The following ADAM17 variants were observed in gnomAD, a reference collection of about 807,000 sequenced individuals.
ADAM17 encodes ADAM metallopeptidase domain 17, also known as disintegrin and metalloproteinase domain-containing protein 17.
A neutral mutation model predicts 96.7 loss-of-function variants in ADAM17; 39 were observed. The observed-to-expected ratio is 0.40, with a 90% confidence interval of 0.31 to 0.53. ADAM17 has a LOEUF of 0.53. ADAM17 is among the 20% of genes least tolerant of loss of function. The pLI, the probability that ADAM17 is intolerant of heterozygous loss-of-function variation, is 0.44. For missense variants in ADAM17, 777 were observed against 1,013.2 expected (o/e 0.77, Z 3.17); for synonymous variants, 344 against 359.2 (o/e 0.96, Z 0.48).
chr2:9,517,487 T>C (rs1170925536), intron 10 of ADAM17, among the ~76,000 whole-genome samples: 1 of 152,226 alleles, frequency 6.6e-6, no homozygotes, highest in Non-Finnish European at 1.5e-5. Context: ...TCATCTACGT[T>C]TTCTTAGGAA....
At chr2:9,550,903 CAAAAAAAA>C (rs33972062) in intron 1 of ADAM17, among the ~76,000 whole-genome samples, 4 of 97,864 alleles carry the variant, frequency 4.1e-5, no homozygotes, top group Non-Finnish European at 6.0e-5. Context: ...ACTAAAAATA[CAAAAAAAA>C]AAAAAAAAAA....
At chr2:9,501,447 C>G (rs898197915) in intron 13 of ADAM17, among the ~76,000 whole-genome samples, 1 of 152,126 alleles carries the variant, frequency 6.6e-6, no homozygotes. Context: ...GAGAAACACA[C>G]AGGTTCCTGA....
At chr2:9,500,092 GATAA>G (rs1040233716) in intron 13 of ADAM17, among the ~76,000 whole-genome samples, 2 of 37,292 alleles carry the variant, frequency 5.4e-5, no homozygotes, top group Non-Finnish European at 1.8e-4. Flanking sequence ...AAAACTCATA[GATAA>G]ATGTTCACAG....
At chr2:9,504,893 G>A (rs1018321166) in intron 12 of ADAM17, among the ~76,000 whole-genome samples, 2 of 151,296 alleles carry the variant, frequency 1.3e-5, no homozygotes, top group African/African-American at 4.9e-5. Flanking sequence ...TTTGTTTTTT[G>A]TTTTTTAAGA....
chr2:9,533,315 G>T (rs890666172), intron 4 of ADAM17, among the ~76,000 whole-genome samples: 1 of 152,086 alleles, frequency 6.6e-6, no homozygotes, highest in Non-Finnish European at 1.5e-5. Context: ...TTCAGAGGCC[G>T]AGGCTGGCAG....
chr2:9,554,147 T>C (rs1042410559), intron 1 of ADAM17, among the ~76,000 whole-genome samples: 52 of 152,240 alleles, frequency 3.4e-4, no homozygotes, highest in African/African-American at 1.3e-3. Flanking sequence ...TTAAACTGTA[T>C]GCTTCCTTGG....
chr2:9,494,164 G>A (rs1008913804), intron 15 of ADAM17, among the ~76,000 whole-genome samples: 1 of 152,086 alleles, frequency 6.6e-6, no homozygotes, highest in African/African-American at 2.4e-5. Flanking sequence ...GTGAAGCCTC[G>A]TAAATCTTAA....
At chr2:9,503,334 G>T (rs976476245) in intron 12 of ADAM17, among the ~76,000 whole-genome samples, 6 of 152,072 alleles carry the variant, frequency 3.9e-5, no homozygotes, top group Non-Finnish European at 8.8e-5. Context: ...CCAGGCACTG[G>T]TCTATCAGTG....
rs973059639 is a variant in ADAM17, at chr2:9,521,106, A to G, written c.957+97T>C. ...TGGAGGAGACTGCTTCTGGGTGTCC[A>G]TCTTTTCTAACATGCTCCTTCATTA... On this transcript the variant is annotated intron_variant, in intron 8 of 18. Transcript: ENST00000310823. The G allele has an allele frequency of 1.3e-5, 13 of 992,054 alleles. No individual in the cohort carries two copies. In the African/African-American group the frequency reaches 1.8e-4, roughly 13 times the overall value. 61.5% of individuals were successfully genotyped at this position (992,054 alleles called of 1,614,324 possible).
At chr2:9,498,453 G>GA (rs756351254) in intron 13 of ADAM17, among the ~76,000 whole-genome samples, 5 of 151,962 alleles carry the variant, frequency 3.3e-5, no homozygotes, top group African/African-American at 9.6e-5. Flanking sequence ...TAGAGGAGGA[G>GA]AAAAAAAACA....
At chr2:9,529,586 G>T (rs1277986274) in intron 4 of ADAM17, among the ~76,000 whole-genome samples, 1 of 152,118 alleles carries the variant, frequency 6.6e-6, no homozygotes, top group Admixed American at 6.6e-5. Context: ...AGGGAGGAAG[G>T]GGGAAGTATG....
In ADAM17 at chr2:9,490,150, C is replaced by CT. The variant is rs1157899324; in HGVS notation, c.*26dup. ...CAAATCTATAAAAATATTTTGCACA[C>CT]TTAAGTCAGAAGAGCTGAGAACTAA... On this transcript the variant is annotated 3_prime_UTR_variant, in exon 19 of 19. Coordinates refer to ENST00000310823, the MANE Select transcript of ADAM17 (RefSeq NM_003183.6). The CT allele has an allele frequency of 6.4e-7, 1 of 1,557,622 alleles. No individual in the cohort carries two copies. Among genetic ancestry groups the CT allele is most frequent in the East Asian group, 2.3e-5 (1 of 43,986 alleles).
intron 7 of ADAM17, chr2:9,522,555 A>C: frequency 2.1e-6 from 1 of 473,626 alleles, no homozygotes; most frequent in South Asian, 4.3e-5. Context: ...GATTTTTAAA[A>C]ATTTTTTCAA....
chr2:9,542,375 A>G (rs1665242258), intron 2 of ADAM17, among the ~76,000 whole-genome samples: 1 of 152,186 alleles, frequency 6.6e-6, no homozygotes, highest in Admixed American at 6.5e-5. Context: ...CCCTGTTTTT[A>G]AAAATAAATA....
intron 3 of ADAM17, among the ~76,000 whole-genome samples, chr2:9,536,394 T>C (rs1664961242): frequency 6.6e-6 from 1 of 152,170 alleles, no homozygotes; most frequent in Non-Finnish European, 1.5e-5. Context: ...GCTTCCCTGT[T>C]TAAAATATCA....
chr2:9,515,334 T>C (rs1417580331), intron 10 of ADAM17, among the ~76,000 whole-genome samples: 3 of 152,260 alleles, frequency 2.0e-5, no homozygotes, highest in Non-Finnish European at 4.4e-5. Flanking sequence ...CATGGCTTAA[T>C]AGCTTTTTAT....
At chr2:9,495,176 G>A (rs922199234) in intron 14 of ADAM17, among the ~76,000 whole-genome samples, 1 of 152,190 alleles carries the variant, frequency 6.6e-6, no homozygotes, top group Non-Finnish European at 1.5e-5. Flanking sequence ...CCCTGAAAGC[G>A]AGAGCAGCTG....
intron 17 of ADAM17, 59 bp downstream of exon 17, chr2:9,492,839 G>T: frequency 7.0e-7 from 1 of 1,428,534 alleles, no homozygotes; most frequent in Non-Finnish European, 9.6e-7. Flanking sequence ...GAGATTACAT[G>T]GTTGGAGTTG....
intron 8 of ADAM17, 114 bp from the exon 9 acceptor site, chr2:9,518,361 G>T: frequency 1.6e-6 from 2 of 1,265,458 alleles, no homozygotes; most frequent in Non-Finnish European, 2.1e-6. Context: ...AACTATGATG[G>T]CATGCAGCTC....
Sources: gnomAD v4.1 joint callset for allele counts (sites outside exome capture counted in the v4.1 genomes callset) on GRCh38, gnomAD v4.1.1 for gene constraint, MANE v1.5 for transcripts, NCBI Gene and HGNC (gene_info 2026-07-23, HGNC 2026-07-21) for gene names.